KMT2C: variants seen among roughly 807,000 people sequenced by gnomAD.
KMT2C encodes the protein histone-lysine N-methyltransferase 2C.
In KMT2C, 88 loss-of-function variants were observed where a neutral mutation model predicts 507.9. The ratio of observed to expected loss-of-function variants is 0.17; its 90% CI spans 0.15 to 0.21. The LOEUF is 0.21. Among genes scored for constraint, KMT2C ranks in the 10% least tolerant of loss-of-function variants. The probability of loss-of-function intolerance (pLI) is 1.00; values close to 1 mark genes in which losing one functional copy is unlikely to be tolerated. For missense variants in KMT2C, 4,954 were observed against 5,957.8 expected (o/e 0.83, Z 5.55); for synonymous variants, 2,049 against 2,080.8 (o/e 0.98, Z 0.42).
intron 3 of KMT2C, among the ~76,000 whole-genome samples, chr7:152,330,126 G>A (rs1318242356): frequency 9.1e-6 from 1 of 109,492 alleles, no homozygotes; most frequent in Non-Finnish European, 1.7e-5. Context: ...CTTGGTGACA[G>A]AGCAAGACGC....
intron 1 of KMT2C, among the ~76,000 whole-genome samples, chr7:152,369,951 C>G (rs1456267013): frequency 1.3e-5 from 2 of 152,108 alleles, no homozygotes; most frequent in Non-Finnish European, 2.9e-5. Context: ...GTGGCTCATG[C>G]CTGTAATCCC....
intron 9 of KMT2C, among the ~76,000 whole-genome samples, chr7:152,254,387 A>G (rs141857934): frequency 3.0e-3 from 459 of 152,330 alleles, no homozygotes; most frequent in African/African-American, 0.011. Context: ...AACTATGCCC[A>G]GGTGGAGTTT....
chr7:152,435,509 C>G (rs1003968960), intron 1 of KMT2C, 117 bp downstream of exon 1: 8 of 389,814 alleles, frequency 2.1e-5, no homozygotes, highest in Non-Finnish European at 2.4e-5. Context: ...GGGCCCGCCC[C>G]GCCCCCACCC....
intron 39 of KMT2C, among the ~76,000 whole-genome samples, chr7:152,172,857 C>G (rs2093028943): frequency 6.6e-6 from 1 of 152,162 alleles, no homozygotes; most frequent in Admixed American, 6.5e-5. Flanking sequence ...TTATGTTCAT[C>G]ATTACTTTCA....
At chr7:152,381,987 T>C (rs2097378393) in intron 1 of KMT2C, among the ~76,000 whole-genome samples, 1 of 152,246 alleles carries the variant, frequency 6.6e-6, no homozygotes, top group African/African-American at 2.4e-5. Flanking sequence ...TACCCATTAA[T>C]ACTGTATTTT....
At chr7:152,159,604 C>T (rs2092322121) in intron 43 of KMT2C, among the ~76,000 whole-genome samples, 2 of 152,228 alleles carry the variant, frequency 1.3e-5, no homozygotes, top group African/African-American at 4.8e-5. Flanking sequence ...AACACTGGTT[C>T]TTCAAATTAG....
chr7:152,417,433 A>G (rs1052425268), intron 1 of KMT2C, among the ~76,000 whole-genome samples: 2 of 152,056 alleles, frequency 1.3e-5, no homozygotes, highest in African/African-American at 4.8e-5. Context: ...CGGCTTTCTT[A>G]ACACATATAC....
intron 9 of KMT2C, among the ~76,000 whole-genome samples, chr7:152,255,109 TTATATATATATATA>T (rs1207305132): frequency 0.044 from 3,422 of 78,388 alleles, 262 homozygotes; most frequent in African/African-American, 0.13. Context: ...CAACTCTCAC[TTATATATATATATA>T]TATATATATA....
chr7:152,356,258 A>G (rs547550124), intron 2 of KMT2C, among the ~76,000 whole-genome samples: 1 of 152,304 alleles, frequency 6.6e-6, no homozygotes, highest in South Asian at 2.1e-4. Context: ...GGAGAAAAGA[A>G]AAGGTGGTGA....
Position 152,252,667 on chromosome 7 carries a change from G to A in KMT2C, c.1348C>T (p.His450Tyr), listed in dbSNP as rs1376200985. 8 of 1,613,122 alleles carry A rather than the reference G, an allele frequency of 5.0e-6. No individual in the cohort carries two copies. The highest frequency in any genetic ancestry group is 3.3e-5 in the Admixed American group (2 of 59,978). Reference protein sequence around the residue: ...ECGTRSSSQWHHNCLICDNCY... With the variant: ...ECGTRSSSQWYHNCLICDNCY... ...TTGTCACATATCAGGCAATTGTGGT[G>A]CCACTGAGAACTAGACCGTGTGCCA... Residue 450 changes from histidine to tyrosine, a missense_variant, in exon 10 of 59, where the codon CAC (histidine) becomes TAC (tyrosine). His to Tyr is a moderately conservative substitution (Grantham distance 83). This residue lies in a region of KMT2C where 376 missense variants were observed against 352.4 expected (regional missense o/e 1.07). Transcript: ENST00000262189.
At chr7:152,203,194 AT>A in intron 25 of KMT2C, 130 bp from the exon 26 acceptor site, 1 of 632,450 alleles carries the variant, frequency 1.6e-6, no homozygotes, top group Non-Finnish European at 2.4e-6. Flanking sequence ...GAACAAAAAA[AT>A]CTCAAATCAA....
chr7:152,395,164 T>C (rs559196083), intron 1 of KMT2C, among the ~76,000 whole-genome samples: 7 of 152,128 alleles, frequency 4.6e-5, no homozygotes, highest in Non-Finnish European at 8.8e-5. Context: ...ATTACAACAA[T>C]AGTAGCATTA....
intron 2 of KMT2C, among the ~76,000 whole-genome samples, chr7:152,357,840 T>C (rs1158544530): frequency 1.3e-5 from 2 of 152,178 alleles, no homozygotes; most frequent in African/African-American, 4.8e-5. Context: ...TATTTTAAAA[T>C]CTATAACAAT....
intron 1 of KMT2C, among the ~76,000 whole-genome samples, chr7:152,389,386 G>A (rs66491820): frequency 0.048 from 7,075 of 148,672 alleles, 260 homozygotes; most frequent in African/African-American, 0.1. Context: ...TGTCACTTAC[G>A]TCACTCAGTT....
At chr7:152,426,233 T>G (rs1301112026) in intron 1 of KMT2C, among the ~76,000 whole-genome samples, 5 of 141,484 alleles carry the variant, frequency 3.5e-5, no homozygotes, top group African/African-American at 8.3e-5. Flanking sequence ...TGTCATAGTT[T>G]TTTTTTTTTT....
intron 3 of KMT2C, among the ~76,000 whole-genome samples, chr7:152,328,255 C>T (rs1363868978): frequency 2.0e-5 from 3 of 152,174 alleles, no homozygotes; most frequent in Non-Finnish European, 4.4e-5. Context: ...GAGAGGACTA[C>T]AGTATAACAA....
At chr7:152,214,724 T>A (rs2094531698) in intron 23 of KMT2C, among the ~76,000 whole-genome samples, 1 of 152,102 alleles carries the variant, frequency 6.6e-6, no homozygotes, top group South Asian at 2.1e-4. Flanking sequence ...ATGATCTCAC[T>A]TAATAAGCAG....
intron 23 of KMT2C, among the ~76,000 whole-genome samples, chr7:152,211,575 C>A (rs2094454767): frequency 6.6e-6 from 1 of 152,144 alleles, no homozygotes; most frequent in Non-Finnish European, 1.5e-5. Context: ...ACAGTAAAAA[C>A]CAAGAGAGCA....
At chr7:152,373,624 AT>A (rs1389252391) in intron 1 of KMT2C, among the ~76,000 whole-genome samples, 2 of 152,262 alleles carry the variant, frequency 1.3e-5, no homozygotes, top group Admixed American at 1.3e-4. Context: ...AGCAGAAAAT[AT>A]CACTAATGTC....
Sources: allele counts gnomAD v4.1 joint callset (sites outside exome capture counted in the v4.1 genomes callset), GRCh38; gene constraint gnomAD v4.1.1; regional missense constraint gnomAD v4.1.1; transcripts MANE v1.5; gene names NCBI Gene and HGNC (gene_info 2026-07-23, HGNC 2026-07-21).